Variants in PDE4B observed in about 807,000 individuals in gnomAD.
PDE4B encodes 3',5'-cyclic-AMP phosphodiesterase 4B.
PDE4B carries 20 observed loss-of-function variants against 82.2 expected under a neutral mutation model. The ratio of observed to expected loss-of-function variants is 0.24; its 90% CI spans 0.17 to 0.35. The LOEUF is 0.35. Among genes scored for constraint, PDE4B ranks in the 10% least tolerant of loss-of-function variants. The pLI is 1.00. For synonymous variants in PDE4B, 320 were observed against 318.9 expected, an observed-to-expected ratio of 1.00 and a Z score of -0.04; for missense variants, 655 against 907.2, an observed-to-expected ratio of 0.72 and a Z score of 3.57.
chr1:66,217,674 A>T (rs1214034665), intron 3 of PDE4B, among the ~76,000 whole-genome samples: 1 of 152,110 alleles, frequency 6.6e-6, no homozygotes, highest in Non-Finnish European at 1.5e-5. Context: ...TTGTTTAATT[A>T]TTTTTATTAG....
chr1:66,189,938 C>T (rs1294598392), intron 3 of PDE4B, among the ~76,000 whole-genome samples: 1 of 152,162 alleles, frequency 6.6e-6, no homozygotes, highest in Non-Finnish European at 1.5e-5. Flanking sequence ...AGTTTTTCTG[C>T]TCTGTTTTTT....
intron 1 of PDE4B, among the ~76,000 whole-genome samples, chr1:65,881,395 G>T (rs1646706864): frequency 6.6e-6 from 1 of 152,136 alleles, no homozygotes; most frequent in African/African-American, 2.4e-5. Flanking sequence ...TGTGACTGTT[G>T]TTGAGACTGT....
intron 3 of PDE4B, among the ~76,000 whole-genome samples, chr1:66,014,058 G>C (rs1652634671): frequency 7.2e-6 from 1 of 138,298 alleles, no homozygotes; most frequent in Non-Finnish European, 1.6e-5. Context: ...GTGATGTTGA[G>C]CAGCTTTTCA....
At chr1:65,994,325 A>G (rs1300848722) in intron 3 of PDE4B, among the ~76,000 whole-genome samples, 2 of 152,166 alleles carry the variant, frequency 1.3e-5, no homozygotes, top group Non-Finnish European at 2.9e-5. Flanking sequence ...GCCAACACAT[A>G]CTTTGCCTGG....
At chr1:66,215,675 CAGGTAA>C (rs1014780200) in intron 3 of PDE4B, among the ~76,000 whole-genome samples, 11 of 152,230 alleles carry the variant, frequency 7.2e-5, no homozygotes, top group African/African-American at 2.6e-4. Flanking sequence ...AACATGCCCC[CAGGTAA>C]AGCAATGCCC....
At chr1:65,871,431 C>T (rs1012631062) in intron 1 of PDE4B, among the ~76,000 whole-genome samples, 1 of 152,184 alleles carries the variant, frequency 6.6e-6, no homozygotes, top group Non-Finnish European at 1.5e-5. Flanking sequence ...TAAACAGATG[C>T]CCTTACTAGC....
rs546191895 is a variant in PDE4B, at chr1:66,026,846, C to G, written c.281+108011C>G. The stretch of plus-strand genomic sequence containing the variant: ...GTGTTCTTCACCTCAACAAACCAAC[C>G]AATTATGGCGTCCTGAGGGAGGGTG... On this transcript the variant is annotated intron_variant, in intron 3 of 16. Coordinates refer to ENST00000341517, the MANE Select transcript of PDE4B (RefSeq NM_002600.4). Among the ~76,000 whole-genome samples the G allele has an allele frequency of 2.0e-5, 3 of 152,286 alleles. No individual in the cohort carries two copies. In the South Asian group the frequency reaches 6.2e-4, roughly 32 times the overall value.
At chr1:66,249,432 A>G (rs1653580259) in intron 4 of PDE4B, among the ~76,000 whole-genome samples, 1 of 152,228 alleles carries the variant, frequency 6.6e-6, no homozygotes, top group African/African-American at 2.4e-5. Context: ...TCTCAAGGTC[A>G]TTCAGAGTCG....
chr1:65,881,046 ACTC>A (rs1646702391), intron 1 of PDE4B, among the ~76,000 whole-genome samples: 1 of 151,940 alleles, frequency 6.6e-6, no homozygotes, highest in African/African-American at 2.4e-5. Context: ...GATGGTAACA[ACTC>A]CTCATTGTGA....
At chr1:66,190,825 G>C (rs189881498) in intron 3 of PDE4B, among the ~76,000 whole-genome samples, 22 of 151,928 alleles carry the variant, frequency 1.4e-4, no homozygotes, top group African/African-American at 5.1e-4. Flanking sequence ...GCTCATACTC[G>C]GTGTGCTGCA....
chr1:65,961,019 C>T (rs1210745113), intron 3 of PDE4B, among the ~76,000 whole-genome samples: 1 of 152,118 alleles, frequency 6.6e-6, no homozygotes, highest in Admixed American at 6.6e-5. Flanking sequence ...CCTAAATGTA[C>T]ACTGTTTTAG....
intron 3 of PDE4B, among the ~76,000 whole-genome samples, chr1:65,967,854 C>T (rs1440253364): frequency 1.3e-5 from 2 of 152,060 alleles, no homozygotes; most frequent in South Asian, 2.1e-4. Flanking sequence ...GAACATCACA[C>T]ACCAGGGCCT....
intron 3 of PDE4B, among the ~76,000 whole-genome samples, chr1:66,183,353 A>G (rs1316535127): frequency 6.6e-6 from 1 of 152,228 alleles, no homozygotes; most frequent in Non-Finnish European, 1.5e-5. Context: ...AAATGCTATC[A>G]CATAGCAATT....
chr1:66,338,143 T>C (rs1297007651), intron 8 of PDE4B, among the ~76,000 whole-genome samples: 2 of 152,218 alleles, frequency 1.3e-5, no homozygotes, highest in African/African-American at 4.8e-5. Context: ...CACTTTGAAA[T>C]AGGTACTGTT....
At chr1:65,865,349 T>G (rs950402733) in intron 1 of PDE4B, among the ~76,000 whole-genome samples, 1 of 151,086 alleles carries the variant, frequency 6.6e-6, no homozygotes, top group Non-Finnish European at 1.5e-5. Context: ...TGAGACCACT[T>G]GGCTCCCTGT....
chr1:65,870,956 C>T (rs2100294805), intron 1 of PDE4B, among the ~76,000 whole-genome samples: 1 of 152,112 alleles, frequency 6.6e-6, no homozygotes, highest in South Asian at 2.1e-4. Flanking sequence ...ATTACAAGTG[C>T]CAAAATTAGA....
rs66704627 is a variant in PDE4B, at chr1:66,129,697, CAA to C, written c.282-117753_282-117752del. 2.1e-3 allele frequency among the ~76,000 whole-genome samples: 268 copies of C among 130,504 alleles called. 2 individuals carry two copies. Among genetic ancestry groups the C allele is most frequent in the Admixed American group, 3.7e-3 (49 of 13,362 alleles). 85.6% of individuals were successfully genotyped at this position (130,504 alleles called of 152,430 possible). A position where few individuals can be genotyped will look rare whatever the true frequency, so the allele number is the denominator to read the frequency against. ...ACAAAAAAACAAAAAAACAAAAAAA[CAA>C]AAAAAAAAACCTCTCTGTAAAATGG... On this transcript the variant is annotated intron_variant, in intron 3 of 16. Transcript: ENST00000341517.
rs373563070 is a variant in PDE4B at position 65,844,719 on chromosome 1, CA to C, written c.-71+51472del. 4.3e-3 allele frequency among the ~76,000 whole-genome samples: 657 copies of C among 152,176 alleles called. 7 individuals carry two copies. Among genetic ancestry groups the C allele is most frequent in the African/African-American group, 0.013 (523 of 41,506 alleles). ...TCTCCCCACAAACACATTACTTGAA[CA>C]GCAACTAAAAAAAGAGATAAAAAGA... On this transcript the variant is annotated intron_variant, in intron 1 of 16. Coordinates refer to ENST00000341517, the MANE Select transcript of PDE4B (RefSeq NM_002600.4).
At chr1:65,891,574 C>T (rs1359954967) in intron 1 of PDE4B, among the ~76,000 whole-genome samples, 9 of 152,036 alleles carry the variant, frequency 5.9e-5, no homozygotes, top group South Asian at 4.2e-4. Context: ...ACAAAACATG[C>T]GCTTCTTATT....
Sources: gnomAD v4.1 joint callset for allele counts (sites outside exome capture counted in the v4.1 genomes callset) on GRCh38, gnomAD v4.1.1 for gene constraint, MANE v1.5 for transcripts, NCBI Gene and HGNC (gene_info 2026-07-23, HGNC 2026-07-21) for gene names.